Variants in COX15 observed in about 807,000 individuals in gnomAD.
COX15 encodes cytochrome c oxidase assembly factor COX15, also known as heme A synthase COX15.
A neutral mutation model predicts 51.9 loss-of-function variants in COX15; 51 were observed. The observed-to-expected ratio is 0.98, with a 90% CI of 0.78 to 1.24. COX15 has a LOEUF of 1.24. Ranked by LOEUF, COX15 falls within the 50% of genes most tolerant of loss-of-function variation. The pLI is 0.00. For missense variants in COX15, 420 were observed against 501.1 expected, an observed-to-expected ratio of 0.84 and a Z score of 1.55; for synonymous variants, 188 against 190.5, an observed-to-expected ratio of 0.99 and a Z score of 0.11.
At chr10:99,714,986 A>G (rs2036519679) in intron 8 of COX15, among the ~76,000 whole-genome samples, 1 of 152,242 alleles carries the variant, frequency 6.6e-6, no homozygotes, top group Non-Finnish European at 1.5e-5. Context: ...GTACTTTAGT[A>G]TGTTTATAGA....
chr10:99,712,425 G>A lies in COX15; in HGVS notation c.*2162C>T, dbSNP rs2036425432. ...CTTTCACAGAAAAATCTAGATATGT[G>A]GCTTATTTTTAAAAAACAGAAGATT... On this transcript the variant is annotated 3_prime_UTR_variant, in exon 9 of 9. Transcript: ENST00000016171. The A allele has an allele frequency of 4.1e-6, 4 of 985,170 alleles. No individual in the cohort carries two copies. Among genetic ancestry groups the A allele is most frequent in the Non-Finnish European group, 4.8e-6 (4 of 829,828 alleles). The allele number at this position is 985,170 out of a possible 1,614,324, so 61.0% of individuals were successfully genotyped here. A position where few individuals can be genotyped will look rare whatever the true frequency, so the allele number is the denominator to read the frequency against.
chr10:99,716,926 T>C (rs2036598510), intron 7 of COX15, among the ~76,000 whole-genome samples: 1 of 152,172 alleles, frequency 6.6e-6, no homozygotes, highest in Non-Finnish European at 1.5e-5. Flanking sequence ...TTTTCATTCC[T>C]ATCTCTTCAG....
chr10:99,711,604 AC>A lies in COX15; in HGVS notation c.*2982del. 5 of 984,932 alleles carry A rather than the reference AC, an allele frequency of 5.1e-6. No homozygotes were observed. The highest frequency in any genetic ancestry group is 6.0e-6 in the Non-Finnish European group (5 of 829,494). 61.0% of individuals were successfully genotyped at this position (984,932 alleles called of 1,614,324 possible). On this transcript the variant is annotated 3_prime_UTR_variant, in exon 9 of 9. Coordinates refer to ENST00000016171, the MANE Select transcript of COX15 (RefSeq NM_078470.6). ...CTAGACTTGTCTGCACATTGGAATC[AC>A]CTGGGGAACTTTAAAAATATGCCTT...
At chr10:99,726,573 G>C (rs2036955909) in intron 4 of COX15, among the ~76,000 whole-genome samples, 1 of 152,120 alleles carries the variant, frequency 6.6e-6, no homozygotes, top group Admixed American at 6.5e-5. Flanking sequence ...AAGTGCCTCA[G>C]AGATTATTTC....
At chr10:99,705,481 T>C in the COX15 span, 1 of 152,230 alleles carries the variant, frequency 6.6e-6, no homozygotes, top group Middle Eastern at 3.2e-3. Context: ...GAAACTGTGA[T>C]GGGGACTGGG....
At chr10:99,701,177 G>A in the COX15 span, 2 of 956,214 alleles carry the variant, frequency 2.1e-6, no homozygotes, top group Non-Finnish European at 3.2e-6. Context: ...GATTATTCCA[G>A]ACTTGATTTT....
intron 6 of COX15, among the ~76,000 whole-genome samples, chr10:99,720,516 G>T (rs1239601137): frequency 6.6e-6 from 1 of 152,186 alleles, no homozygotes; most frequent in Non-Finnish European, 1.5e-5. Flanking sequence ...AACCATCTCT[G>T]AGGGCAAGCC....
downstream of COX15, chr10:99,710,203 C>T (rs548503022): frequency 3.1e-4 from 301 of 985,394 alleles, no homozygotes; most frequent in African/African-American, 4.3e-3. Context: ...GAGCACTTGC[C>T]GGCATTTGGC....
chr10:99,708,775 G>A (rs1436868895), downstream of COX15: 1 of 953,276 alleles, frequency 1.0e-6, no homozygotes, highest in African/African-American at 1.8e-5. Flanking sequence ...TAAAACTGAG[G>A]CCTAGAGCAG....
chr10:99,720,353 G>C (rs149466219), intron 6 of COX15, among the ~76,000 whole-genome samples: 1 of 152,162 alleles, frequency 6.6e-6, no homozygotes, highest in Admixed American at 6.5e-5. Context: ...GCTGAGGCAC[G>C]AGAATCGCTT....
At position 99,714,355 on chromosome 10, in the gene COX15, A is replaced by G. The variant is rs2133566920; in HGVS notation, c.*232T>C. 7.5e-7 allele frequency: 1 copy of G among 1,330,278 alleles called. No individual in the cohort carries two copies. Among genetic ancestry groups the G allele is most frequent in the South Asian group, 1.5e-5 (1 of 64,894 alleles). 82.4% of individuals were successfully genotyped at this position (1,330,278 alleles called of 1,614,324 possible). A position where few individuals can be genotyped will look rare whatever the true frequency, so the allele number is the denominator to read the frequency against. On this transcript the variant is annotated 3_prime_UTR_variant, in exon 9 of 9. Transcript: ENST00000016171. ...GGCAGACATTTCTTTCTCTACATTA[A>G]AACTGATTTTCAACATGAAAAGCAG...
rs1274228194 is a variant in COX15 at position 99,716,253 on chromosome 10, A to G, written c.1101+95T>C. 3.4e-6 allele frequency: 3 copies of G among 891,808 alleles called. No individual in the cohort carries two copies. In the East Asian group the frequency reaches 7.5e-5, roughly 22 times the overall value. The allele number at this position is 891,808 out of a possible 1,614,324, so 55.2% of individuals were successfully genotyped here. A position where few individuals can be genotyped will look rare whatever the true frequency, so the allele number is the denominator to read the frequency against. On this transcript the variant is annotated intron_variant, in intron 8 of 8. Coordinates refer to ENST00000016171, the MANE Select transcript of COX15 (RefSeq NM_078470.6). ...AGTGATCTGCCCACCTAGGCCTCCC[A>G]AAGTGCTGGGATTACAGCCATGAGC...
At chr10:99,707,658 T>C (rs556797018), downstream of COX15, among the ~76,000 whole-genome samples, 1 of 152,338 alleles carries the variant, frequency 6.6e-6, no homozygotes, top group East Asian at 1.9e-4. Context: ...CTCTTGTTAT[T>C]ACTGAGACAG....
downstream of COX15, chr10:99,706,287 T>G (rs1452176457): frequency 6.6e-6 from 1 of 152,140 alleles, no homozygotes. Context: ...CAGTCTTGTA[T>G]TGTTTTAAAA....
chr10:99,723,878 G>C (rs1307783958), intron 5 of COX15, 78 bp downstream of exon 5: 5 of 1,500,514 alleles, frequency 3.3e-6, no homozygotes, highest in Non-Finnish European at 3.7e-6. Context: ...ATATGATCCA[G>C]CAATTCTACT....
chr10:99,699,955 A>C, the COX15 span, among the ~76,000 whole-genome samples: 14 of 144,140 alleles, frequency 9.7e-5, no homozygotes, highest in East Asian at 2.9e-3. Context: ...GGGTTCTCTT[A>C]GTGTAAGGCT....
At chr10:99,710,638 T>C (rs1007415676), downstream of COX15, 9 of 985,282 alleles carry the variant, frequency 9.1e-6, no homozygotes, top group Middle Eastern at 5.2e-4. Flanking sequence ...TGATGCATTC[T>C]CCCTTATGCA....
Position 99,711,608 on chromosome 10 carries a change from G to A in COX15, c.*2979C>T. 1 of 984,686 alleles carries A rather than the reference G, an allele frequency of 1.0e-6. No homozygotes were observed. The highest frequency in any genetic ancestry group is 1.2e-6 in the Non-Finnish European group (1 of 829,368). 61.0% of individuals were successfully genotyped at this position (984,686 alleles called of 1,614,324 possible). ...ACTTGTCTGCACATTGGAATCACCT[G>A]GGGAACTTTAAAAATATGCCTTTTA... is the stretch of plus-strand genomic sequence containing the variant. On this transcript the variant is annotated 3_prime_UTR_variant, in exon 9 of 9. Transcript: ENST00000016171.
chr10:99,726,476 A>C (rs568430177), intron 4 of COX15, among the ~76,000 whole-genome samples: 1 of 152,304 alleles, frequency 6.6e-6, no homozygotes, highest in East Asian at 1.9e-4. Context: ...TAGCTTTCAG[A>C]GGTTAGGTAA....
Sources: allele counts gnomAD v4.1 joint callset (sites outside exome capture counted in the v4.1 genomes callset), GRCh38; gene constraint gnomAD v4.1.1; transcripts MANE v1.5; gene names NCBI Gene and HGNC (gene_info 2026-07-23, HGNC 2026-07-21).